NUDC: variants seen among roughly 807,000 people sequenced by gnomAD.
The protein encoded by NUDC is nuclear migration protein nudC.
Under a neutral mutation model 45.0 loss-of-function variants are expected in NUDC, and 14 were observed. The observed-to-expected ratio is 0.31, with a 90% CI of 0.21 to 0.49. The LOEUF (loss-of-function observed/expected upper bound fraction) is 0.49, where lower values mean the gene tolerates loss of function less well. NUDC is among the 20% of genes least tolerant of loss of function. The pLI, the probability that NUDC is intolerant of heterozygous loss-of-function variation, is 0.99. For missense variants in NUDC, 323 were observed against 426.2 expected (o/e 0.76, Z 2.13); for synonymous variants, 153 against 156.7 (o/e 0.98, Z 0.17).
At chr1:26,924,869 TTTTA>T (rs2082118492) in intron 2 of NUDC, among the ~76,000 whole-genome samples, 1 of 151,096 alleles carries the variant, frequency 6.6e-6, no homozygotes, top group Non-Finnish European at 1.5e-5. Flanking sequence ...TTATTTTTAC[TTTTA>T]TTTATTTTAT....
In NUDC at chr1:26,924,133, T is replaced by C. The variant is rs753306064; in HGVS notation, c.126T>C (p.Phe42=). Residue 42 remains phenylalanine, a synonymous_variant, in exon 2 of 9, where the codon TTT becomes TTC. Coordinates refer to ENST00000321265, the MANE Select transcript of NUDC (RefSeq NM_006600.4). ...FFSFLRRKTD[F]FIGGEEGMAE... ...GCTTCCTTCGACGCAAAACAGACTT[T>C]TTCATTGGAGGAGAAGAAGGGATGG... The C allele has an allele frequency of 9.3e-6, 15 of 1,614,114 alleles. No individual in the cohort carries two copies. The South Asian group carries it at 1.2e-4, about 13-fold the overall frequency.
chr1:26,935,261 G>A (rs1194258659), intron 2 of NUDC, among the ~76,000 whole-genome samples: 2 of 152,182 alleles, frequency 1.3e-5, no homozygotes, highest in Non-Finnish European at 2.9e-5. Flanking sequence ...GGGATTACAG[G>A]CGTGAGCCAC....
intron 6 of NUDC, among the ~76,000 whole-genome samples, chr1:26,944,561 T>G (rs2082304272): frequency 6.6e-6 from 1 of 152,056 alleles, no homozygotes; most frequent in South Asian, 2.1e-4. Flanking sequence ...CCTAGCGCTT[T>G]GGGAGGCTGA....
At chr1:26,900,250 CAG>C (rs1444759010) in exon 1 of NUDC, 1 of 1,614,082 alleles carries the variant, frequency 6.2e-7, no homozygotes, top group South Asian at 1.1e-5. Flanking sequence ...GGAATTAGGG[CAG>C]AGTTAGGAGC....
intron 2 of NUDC, among the ~76,000 whole-genome samples, chr1:26,904,063 T>A (rs2081992560): frequency 1.7e-5 from 2 of 115,508 alleles, no homozygotes; most frequent in South Asian, 2.3e-4. Flanking sequence ...AATAAATAAA[T>A]AAAAATACAA....
chr1:26,914,024 G>A lies in NUDC; in HGVS notation c.93+2789G>A, dbSNP rs577390400. On this transcript the variant is annotated intron_variant, in intron 3 of 6. Coordinates refer to the NUDC transcript ENST00000435827. Reference sequence around the variant, plus strand: ...TATTTATATTCCCAGTGAGTGGAACGGGGGGAATGGCCCAACAACCTTGAC... The same window carrying A: ...TATTTATATTCCCAGTGAGTGGAACAGGGGGAATGGCCCAACAACCTTGAC... 19 of 1,148,444 alleles carry A rather than the reference G, an allele frequency of 1.7e-5. No individual in the cohort carries two copies. In the Admixed American group the frequency reaches 1.9e-4, roughly 11 times the overall value. 71.1% of individuals were successfully genotyped at this position (1,148,444 alleles called of 1,614,324 possible). A position where few individuals can be genotyped will look rare whatever the true frequency, so the allele number is the denominator to read the frequency against.
At chr1:26,928,977 C>G (rs1237180069) in intron 2 of NUDC, among the ~76,000 whole-genome samples, 1 of 152,144 alleles carries the variant, frequency 6.6e-6, no homozygotes, top group Non-Finnish European at 1.5e-5. Context: ...TTCACAGCAG[C>G]CTTATTCATA....
At chr1:26,906,008 G>T (rs965283831) in intron 2 of NUDC, among the ~76,000 whole-genome samples, 2 of 152,158 alleles carry the variant, frequency 1.3e-5, no homozygotes, top group African/African-American at 4.8e-5. Context: ...AAGGCCGAGC[G>T]CAGTGGCTCA....
intron 1 of NUDC, chr1:26,900,580 T>C (rs572433050): frequency 7.6e-5 from 53 of 695,026 alleles, no homozygotes; most frequent in Non-Finnish European, 1.2e-4. Context: ...AGCTGGAAGA[T>C]CCGAAGTCTT....
Position 26,942,899 on chromosome 1 carries a change from G to A in NUDC, c.575G>A (p.Arg192Gln), listed in dbSNP as rs1487270182. ...GCGGTCCCTTTCTGTGTGAACTTCC[G>A]GCTGAAAGGGAAGGACATGGTGGTG... ...DLAVPFCVNFRLKGKDMVVDI... is the reference protein window; with the variant it reads ...DLAVPFCVNFQLKGKDMVVDI... Residue 192 changes from arginine (R) to glutamine (Q), a missense_variant, in exon 6 of 9, where the codon CGG becomes CAG. Physicochemically the swap from Arg to Gln is conservative, Grantham distance 43. Coordinates refer to ENST00000321265, the MANE Select transcript of NUDC (RefSeq NM_006600.4). 4 of 1,613,688 alleles carry A rather than the reference G, an allele frequency of 2.5e-6. No homozygotes were observed. The highest frequency in any genetic ancestry group is 3.4e-6 in the Non-Finnish European group (4 of 1,180,050).
chr1:26,928,187 A>G (rs1013008379), intron 2 of NUDC, among the ~76,000 whole-genome samples: 1 of 152,170 alleles, frequency 6.6e-6, no homozygotes, highest in Non-Finnish European at 1.5e-5. Flanking sequence ...TAATGTGTCT[A>G]TTGTGGTAAT....
chr1:26,928,171 A>G (rs1237895685), intron 2 of NUDC, among the ~76,000 whole-genome samples: 1 of 152,190 alleles, frequency 6.6e-6, no homozygotes, highest in Non-Finnish European at 1.5e-5. Flanking sequence ...GGCATTTATG[A>G]GGATTTAATG....
intron 2 of NUDC, among the ~76,000 whole-genome samples, chr1:26,937,867 T>G (rs2082247467): frequency 6.6e-6 from 1 of 152,138 alleles, no homozygotes; most frequent in African/African-American, 2.4e-5. Flanking sequence ...CAGGCTGGTT[T>G]CAAACTCCTG....
chr1:26,921,984 C>T (rs2082095319), intron 1 of NUDC, 55 bp downstream of exon 1: 1 of 1,515,410 alleles, frequency 6.6e-7, no homozygotes, highest in South Asian at 1.2e-5. Context: ...GCTCCTTCCG[C>T]CCTTCTCTGC....
intron 2 of NUDC, among the ~76,000 whole-genome samples, chr1:26,906,289 G>C (rs947399524): frequency 6.7e-6 from 1 of 148,986 alleles, no homozygotes; most frequent in Non-Finnish European, 1.5e-5. Flanking sequence ...AAAAAAAAAC[G>C]AAAAAATACA....
intron 2 of NUDC, among the ~76,000 whole-genome samples, chr1:26,906,236 G>A (rs1330910735): frequency 4.0e-5 from 6 of 150,896 alleles, no homozygotes; most frequent in Admixed American, 2.6e-4. Context: ...CTGAGATCGC[G>A]CCACTGAACT....
chr1:26,943,092 T>G, intron 6 of NUDC, 27 bp downstream of exon 6: 1 of 1,612,832 alleles, frequency 6.2e-7, no homozygotes, highest in Non-Finnish European at 8.5e-7. Flanking sequence ...CCTTCTAGCC[T>G]GGGGTGTTGA....
exon 3 of NUDC, chr1:26,911,173 C>T: frequency 2.1e-6 from 1 of 470,780 alleles, no homozygotes; most frequent in Non-Finnish European, 4.4e-6. Flanking sequence ...TGGCAGTGAA[C>T]TTGTCTGTTT....
chr1:26,945,783 T>A, intron 8 of NUDC, 97 bp downstream of exon 8: 1 of 901,008 alleles, frequency 1.1e-6, no homozygotes, highest in Admixed American at 1.7e-5. Flanking sequence ...CCTCAGGAGC[T>A]GCCCTGCCCC....
Sources: allele counts gnomAD v4.1 joint callset (sites outside exome capture counted in the v4.1 genomes callset), GRCh38; gene constraint gnomAD v4.1.1; transcripts MANE v1.5; gene names NCBI Gene and HGNC (gene_info 2026-07-23, HGNC 2026-07-21).